The following CCDC180 variants were observed in gnomAD, a reference collection of about 807,000 sequenced individuals.
CCDC180 encodes the protein coiled-coil domain-containing protein 180.
CCDC180 carries 154 observed loss-of-function variants against 209.2 expected under a neutral mutation model. That is an observed-to-expected ratio of 0.74 (90% CI 0.65 to 0.84). The LOEUF (loss-of-function observed/expected upper bound fraction) is 0.84. CCDC180 is among the 40% of genes least tolerant of loss of function. The probability of loss-of-function intolerance (pLI) is 0.00; values close to 1 mark genes in which losing one functional copy is unlikely to be tolerated. For missense variants in CCDC180, 1,874 were observed against 1,997.3 expected, an observed-to-expected ratio of 0.94 and a Z score of 1.18; for synonymous variants, 778 against 749.1, an observed-to-expected ratio of 1.04 and a Z score of -0.63.
At chr9:97,358,120 T>TC (rs1826639842) in intron 25 of CCDC180, 1 of 148,580 alleles carries the variant, frequency 6.7e-6, no homozygotes, top group Non-Finnish European at 1.5e-5. Context: ...CCACTTGCTT[T>TC]TTTTTTTTTT....
intron 11 of CCDC180, among the ~76,000 whole-genome samples, chr9:97,320,564 C>T (rs1314104331): frequency 1.3e-5 from 2 of 152,148 alleles, no homozygotes; most frequent in Non-Finnish European, 2.9e-5. Context: ...GGCTGTGTGA[C>T]CTTGGGAAAA....
At chr9:97,330,066 CAAAAAAAAAAA>C (rs34372293) in intron 16 of CCDC180, 77 bp from the exon 17 acceptor site, 18 of 582,066 alleles carry the variant, frequency 3.1e-5, no homozygotes, top group Non-Finnish European at 4.3e-5. Context: ...AGACTCCTCT[CAAAAAAAAAAA>C]AAAAAAAAAA....
At position 97,318,443 on chromosome 9, in the gene CCDC180, C is replaced by A. The variant is rs373484051; in HGVS notation, c.960-20C>A. 15 of 1,612,268 alleles carry A rather than the reference C, an allele frequency of 9.3e-6. No individual in the cohort carries two copies. The highest frequency in any genetic ancestry group is 3.3e-4 in the Middle Eastern group (2 of 6,068). On this transcript the variant is annotated intron_variant, in intron 9 of 36. Transcript: ENST00000529487. The stretch of plus-strand genomic sequence containing the variant: ...TGCTCCTCCTCTCCCCTTTATGGTG[C>A]CAACATGTCTGGCCACCAGTGAGTT...
chr9:97,369,923 A>C lies in CCDC180; in HGVS notation c.4191A>C (p.Glu1397Asp). The C allele has an allele frequency of 1.2e-6, 2 of 1,614,160 alleles. No homozygotes were observed. The highest frequency in any genetic ancestry group is 1.7e-6 in the Non-Finnish European group (2 of 1,180,016). The change falls in exon 32 of 37, where the codon GAA (glutamate) becomes GAC (aspartate). Residue 1397 changes from glutamate (E) to aspartate (D), a missense_variant and splice_region_variant. Coordinates refer to ENST00000529487, the MANE Select transcript of CCDC180 (RefSeq NM_020893.6). ...GCCTCTTACCCGCACTTCTGGCAGA[A>C]TTACGGATCCAGATCAGGAGATTTG... ...ANKYHNSCLI[E>D]LRIQIRRFEE...
chr9:97,323,297 G>A (rs991160097), intron 12 of CCDC180, among the ~76,000 whole-genome samples: 5 of 152,108 alleles, frequency 3.3e-5, no homozygotes, highest in Admixed American at 6.5e-5. Context: ...AGCACTGGGC[G>A]TTGTTTATGA....
At chr9:97,321,768 G>A (rs1462248040) in intron 11 of CCDC180, among the ~76,000 whole-genome samples, 5 of 152,174 alleles carry the variant, frequency 3.3e-5, no homozygotes, top group South Asian at 4.1e-4. Flanking sequence ...GTTCAGGATC[G>A]TGGAAACATT....
At chr9:97,345,062 C>T (rs762147890) in intron 19 of CCDC180, among the ~76,000 whole-genome samples, 5 of 150,552 alleles carry the variant, frequency 3.3e-5, no homozygotes, top group South Asian at 2.1e-4. Context: ...TATAGTATCC[C>T]GTTATAAAAA....
At position 97,362,252 on chromosome 9, in the gene CCDC180, G is replaced by A; in HGVS notation, c.3713G>A (p.Gly1238Asp). 1 of 1,614,166 alleles carries A rather than the reference G, an allele frequency of 6.2e-7. No individual in the cohort carries two copies. Among genetic ancestry groups the A allele is most frequent in the Non-Finnish European group, 8.5e-7 (1 of 1,180,016 alleles). The change falls in exon 28 of 37, where the codon GGT (glycine) becomes GAT (aspartate). Residue 1238 changes from glycine (G) to aspartate (D), a missense_variant. Gly to Asp is a moderately conservative substitution (Grantham distance 94, BLOSUM62 -1). Transcript: ENST00000529487. Reference sequence around the variant, plus strand: ...TGTGACAAAGATCCGTCCCAGACAGGTAGAGGCGCATGGGCCTGTGGGTCT... The same window carrying A: ...TGTGACAAAGATCCGTCCCAGACAGATAGAGGCGCATGGGCCTGTGGGTCT... ...HHCDKDPSQTGRGAWACGSRG... is the reference protein window; with the variant it reads ...HHCDKDPSQTDRGAWACGSRG...
intron 18 of CCDC180, among the ~76,000 whole-genome samples, chr9:97,335,427 T>C (rs981631206): frequency 3.9e-4 from 60 of 151,976 alleles, no homozygotes; most frequent in African/African-American, 1.3e-3. Context: ...GAACATACAG[T>C]GTTTGGTTTT....
intron 5 of CCDC180, among the ~76,000 whole-genome samples, 167 bp from the exon 6 acceptor site, chr9:97,314,226 G>A (rs570212537): frequency 2.6e-5 from 4 of 152,262 alleles, no homozygotes; most frequent in Non-Finnish European, 2.9e-5. Context: ...AGCGCAGAGC[G>A]TGTGGCGTGG....
At chr9:97,351,296 C>G (rs1196789848) in intron 22 of CCDC180, among the ~76,000 whole-genome samples, 1 of 152,198 alleles carries the variant, frequency 6.6e-6, no homozygotes, top group East Asian at 1.9e-4. Flanking sequence ...TCCAGTTTCT[C>G]TACATTATCA....
In CCDC180 at chr9:97,317,032, C is replaced by T. The variant is rs772259627; in HGVS notation, c.796-33C>T. On this transcript the variant is annotated intron_variant, in intron 8 of 36. Transcript: ENST00000529487. ...TGCCCTGACCCGAGAGAGACCCTGC[C>T]CTGTCTAGAGCCCTGCCCATCTGTG... 4.4e-6 allele frequency: 7 copies of T among 1,574,724 alleles called. No individual in the cohort carries two copies. The Admixed American group carries it at 8.6e-5, about 19-fold the overall frequency.
intron 25 of CCDC180, among the ~76,000 whole-genome samples, chr9:97,358,478 A>C (rs554302815): frequency 6.6e-6 from 1 of 152,098 alleles, no homozygotes; most frequent in African/African-American, 2.4e-5. Context: ...TAAAGTATGA[A>C]AAGTCAGAAT....
At chr9:97,348,977 A>G in intron 20 of CCDC180, 134 bp from the exon 21 acceptor site, 2 of 807,978 alleles carry the variant, frequency 2.5e-6, no homozygotes. Context: ...GGGGCAGGAC[A>G]AGGGGCCTTG....
chr9:97,357,690 A>AT lies in CCDC180; in HGVS notation c.3329dup (p.Thr1112AsnfsTer36). 1 of 1,613,652 alleles carries AT rather than the reference A, an allele frequency of 6.2e-7. No homozygotes were observed. The highest frequency in any genetic ancestry group is 8.5e-7 in the Non-Finnish European group (1 of 1,179,866). ...CTCTCTGCAACAGCTTCAGAACAAG[A>AT]TAAAAACTTGTCAAGAGTCCAGGGG... On this transcript the variant is annotated frameshift_variant, in exon 25 of 37. Coordinates refer to ENST00000529487, the MANE Select transcript of CCDC180 (RefSeq NM_020893.6). LOFTEE classifies it high-confidence loss of function.
intron 22 of CCDC180, among the ~76,000 whole-genome samples, chr9:97,352,009 A>G (rs1826434321): frequency 6.6e-6 from 1 of 152,106 alleles, no homozygotes; most frequent in Non-Finnish European, 1.5e-5. Flanking sequence ...GGTACTTGGG[A>G]GGCTGAGGTA....
At chr9:97,339,666 G>A (rs897052861) in intron 18 of CCDC180, among the ~76,000 whole-genome samples, 13 of 152,110 alleles carry the variant, frequency 8.5e-5, no homozygotes, top group Admixed American at 1.3e-4. Flanking sequence ...GAGTATCTTT[G>A]TGGTGTTCTC....
intron 16 of CCDC180, 138 bp from the exon 17 acceptor site, chr9:97,330,016 C>A: frequency 1.4e-6 from 1 of 707,332 alleles, no homozygotes; most frequent in Non-Finnish European, 2.4e-6. Context: ...TGCAGCGAAC[C>A]AAGACCGCGC....
intron 18 of CCDC180, among the ~76,000 whole-genome samples, chr9:97,339,669 G>C (rs1826019500): frequency 6.6e-6 from 1 of 152,086 alleles, no homozygotes; most frequent in African/African-American, 2.4e-5. Context: ...TATCTTTGTG[G>C]TGTTCTCTGT....
Sources: gnomAD v4.1 joint callset for allele counts (sites outside exome capture counted in the v4.1 genomes callset) on GRCh38, gnomAD v4.1.1 for gene constraint, MANE v1.5 for transcripts, NCBI Gene and HGNC (gene_info 2026-07-23, HGNC 2026-07-21) for gene names.